IFT74: variants seen among roughly 807,000 people sequenced by gnomAD.
IFT74 encodes the protein intraflagellar transport 74, also known as intraflagellar transport protein 74 homolog.
IFT74 carries 92 observed loss-of-function variants against 96.7 expected under a neutral mutation model. The ratio of observed to expected loss-of-function variants is 0.95; its 90% CI spans 0.80 to 1.13. The LOEUF (loss-of-function observed/expected upper bound fraction) is 1.13. IFT74 is among the 50% of genes most tolerant of loss of function. The pLI, the probability that IFT74 is intolerant of heterozygous loss-of-function variation, is 0.00. For missense variants in IFT74, 811 were observed against 698.2 expected (o/e 1.16, Z -1.82); for synonymous variants, 223 against 213.2 (o/e 1.05, Z -0.40).
At chr9:27,019,637 G>A (rs903683339) in intron 12 of IFT74, among the ~76,000 whole-genome samples, 28 of 151,356 alleles carry the variant, frequency 1.8e-4, no homozygotes, top group Admixed American at 9.9e-4. Context: ...TTTCCAAATA[G>A]TATTCCATTG....
At chr9:27,023,560 A>AT (rs199832692) in intron 12 of IFT74, among the ~76,000 whole-genome samples, 6,301 of 151,322 alleles carry the variant, frequency 0.042, 153 homozygotes, top group Middle Eastern at 0.068. Context: ...TGGTTGGCTA[A>AT]TTTTTTTTTG....
intron 1 of IFT74, among the ~76,000 whole-genome samples, chr9:26,958,285 T>TTA (rs975949254): frequency 1.3e-5 from 2 of 152,142 alleles, no homozygotes; most frequent in African/African-American, 4.8e-5. Flanking sequence ...ACAGGATGCA[T>TTA]GGTAGCATGT....
At chr9:26,953,193 TCCCCCTTCATC>T (rs1204216576), upstream of IFT74, among the ~76,000 whole-genome samples, 1 of 152,154 alleles carries the variant, frequency 6.6e-6, no homozygotes, top group African/African-American at 2.4e-5. Context: ...AAGGTTTTTT[TCCCCCTTCATC>T]AAATGCCTTC....
At chr9:26,993,952 T>C (rs1828008098) in intron 8 of IFT74, 1 of 152,198 alleles carries the variant, frequency 6.6e-6, no homozygotes, top group South Asian at 2.1e-4. Context: ...AAATTATAGA[T>C]TGTGCTACAG....
At chr9:26,957,943 T>G (rs1399063927) in intron 1 of IFT74, among the ~76,000 whole-genome samples, 1 of 151,872 alleles carries the variant, frequency 6.6e-6, no homozygotes, top group Non-Finnish European at 1.5e-5. Context: ...TTAGTAGAGA[T>G]AGGGTTTCAC....
In IFT74 at chr9:27,044,899, T is replaced by G. The variant is rs1316738362; in HGVS notation, c.1108+104T>G. The G allele has an allele frequency of 1.2e-5, 7 of 596,670 alleles. No individual in the cohort carries two copies. In the East Asian group the frequency reaches 2.1e-4, roughly 18 times the overall value. The allele number at this position is 596,670 out of a possible 1,614,324, so 37.0% of individuals were successfully genotyped here. A position where few individuals can be genotyped will look rare whatever the true frequency, so the allele number is the denominator to read the frequency against. Reference sequence around the variant, plus strand: ...TTGGGCAGATATAATGGCTAATAAATGCAGAAGTGTGGACATTCAAAGCAT... The same window carrying G: ...TTGGGCAGATATAATGGCTAATAAAGGCAGAAGTGTGGACATTCAAAGCAT... On this transcript the variant is annotated intron_variant, in intron 14 of 19. Coordinates refer to ENST00000380062, the MANE Select transcript of IFT74 (RefSeq NM_025103.4).
chr9:27,056,457 C>A lies in IFT74; in HGVS notation c.1621C>A (p.Gln541Lys). 1 of 1,590,532 alleles carries A rather than the reference C, an allele frequency of 6.3e-7. No homozygotes were observed. The highest frequency in any genetic ancestry group is 1.2e-5 in the South Asian group (1 of 86,154). Residue 541 changes from glutamine (Q) to lysine (K), a missense_variant and splice_region_variant, in exon 18 of 20, where the codon CAG becomes AAG. Coordinates refer to ENST00000380062, the MANE Select transcript of IFT74 (RefSeq NM_025103.4). Reference sequence around the variant, plus strand: ...ATTGCAAGAAAATGAGACACATTCTCAGGTAAAAAATGTTTTAAATGACTT... The same window carrying A: ...ATTGCAAGAAAATGAGACACATTCTAAGGTAAAAAATGTTTTAAATGACTT... ...TQLQENETHS[Q>K]LTNLERKWQH... is the part of the protein sequence containing the mutation.
At chr9:27,043,994 T>C (rs1819588023) in intron 13 of IFT74, among the ~76,000 whole-genome samples, 1 of 152,226 alleles carries the variant, frequency 6.6e-6, no homozygotes, top group South Asian at 2.1e-4. Context: ...TAAAATTCTT[T>C]AGTAATTGTC....
intron 8 of IFT74, 47 bp from the exon 9 acceptor site, chr9:27,008,973 T>A: frequency 6.8e-7 from 1 of 1,464,418 alleles, no homozygotes; most frequent in Non-Finnish European, 9.4e-7. Context: ...AATTGGATAT[T>A]TTTTCCTCAA....
Position 27,005,363 on chromosome 9 carries a change from C to G in IFT74, c.588-3657C>G, listed in dbSNP as rs867895692. 4.7e-4 allele frequency among the ~76,000 whole-genome samples: 47 copies of G among 99,146 alleles called. 4 individuals are homozygous for G. Among genetic ancestry groups the G allele is most frequent in the Admixed American group, 1.0e-3 (10 of 9,736 alleles). The allele number at this position is 99,146 out of a possible 152,430, so 65.0% of individuals were successfully genotyped here. A position where few individuals can be genotyped will look rare whatever the true frequency, so the allele number is the denominator to read the frequency against. The stretch of plus-strand genomic sequence containing the variant: ...TAGATGAAACCATTTCCCCCCCCGC[C>G]CCCCGCAAAACAATTACTTAGTATT... On this transcript the variant is annotated intron_variant, in intron 8 of 19. Coordinates refer to ENST00000380062, the MANE Select transcript of IFT74 (RefSeq NM_025103.4).
At chr9:26,982,325 G>T in intron 4 of IFT74, 1 of 432,546 alleles carries the variant, frequency 2.3e-6, no homozygotes, top group Middle Eastern at 4.4e-4. Context: ...GTGCAATGAT[G>T]GGATCTCACG....
chr9:27,038,609 G>A (rs894621622), intron 13 of IFT74, among the ~76,000 whole-genome samples: 1 of 152,138 alleles, frequency 6.6e-6, no homozygotes, highest in Non-Finnish European at 1.5e-5. Context: ...AAAGGAAGTT[G>A]ATGAGGAATG....
intron 9 of IFT74, among the ~76,000 whole-genome samples, chr9:27,010,514 G>A (rs1829012770): frequency 6.8e-6 from 1 of 147,650 alleles, no homozygotes; most frequent in African/African-American, 2.5e-5. Flanking sequence ...TTTTGAGACG[G>A]AGTTTCGCTC....
In IFT74 at chr9:27,032,923, C is replaced by T. The variant is rs187686839; in HGVS notation, c.1054+3819C>T. Reference sequence around the variant, plus strand: ...ACTACTTAAAATTATTTTAAAGATTCAGATTAATTTTTTAAAATTGTAATT... The same window carrying T: ...ACTACTTAAAATTATTTTAAAGATTTAGATTAATTTTTTAAAATTGTAATT... On this transcript the variant is annotated intron_variant, in intron 13 of 19. Transcript: ENST00000380062. Among the ~76,000 whole-genome samples the T allele has an allele frequency of 2.8e-3, 423 of 151,940 alleles. 1 individual carries two copies. The highest frequency in any genetic ancestry group is 5.2e-3 in the Non-Finnish European group (353 of 67,936).
chr9:26,986,778 A>C (rs774725159), intron 6 of IFT74, among the ~76,000 whole-genome samples: 5 of 151,978 alleles, frequency 3.3e-5, no homozygotes, highest in Non-Finnish European at 7.4e-5. Context: ...GCATGCCAGC[A>C]TGCCTGGCTA....
At chr9:26,983,829 G>T (rs1334109883) in intron 4 of IFT74, 1 of 145,220 alleles carries the variant, frequency 6.9e-6, no homozygotes, top group African/African-American at 2.6e-5. Context: ...TGTCTCCCAG[G>T]CTGGAGTGTA....
At chr9:27,043,916 CTTCTCT>C (rs199971296) in intron 13 of IFT74, among the ~76,000 whole-genome samples, 2,568 of 152,326 alleles carry the variant, frequency 0.017, 71 homozygotes, top group African/African-American at 0.059. Flanking sequence ...TCCAATCTTA[CTTCTCT>C]TTTATTCTCC....
intron 8 of IFT74, among the ~76,000 whole-genome samples, chr9:26,991,370 G>T (rs1038125726): frequency 9.9e-5 from 15 of 152,038 alleles, no homozygotes; most frequent in African/African-American, 2.7e-4. Context: ...ACAGGTGCAT[G>T]CCACTATGCC....
chr9:27,043,520 A>G (rs957741345), intron 13 of IFT74, among the ~76,000 whole-genome samples: 1 of 152,200 alleles, frequency 6.6e-6, no homozygotes, highest in African/African-American at 2.4e-5. Flanking sequence ...TAAAATAATC[A>G]TGATCCACTC....
Sources: allele counts gnomAD v4.1 joint callset (sites outside exome capture counted in the v4.1 genomes callset), GRCh38; gene constraint gnomAD v4.1.1; transcripts MANE v1.5; gene names NCBI Gene and HGNC (gene_info 2026-07-23, HGNC 2026-07-21).